The following FBXL2 variants were observed in gnomAD, a reference collection of about 807,000 sequenced individuals.
The protein encoded by FBXL2 is F-box and leucine rich repeat protein 2, also known as F-box/LRR-repeat protein 2.
Under a neutral mutation model 69.2 loss-of-function variants are expected in FBXL2, and 38 were observed. That is an observed-to-expected ratio of 0.55 (90% CI 0.42 to 0.72). The LOEUF is 0.72. FBXL2 is among the 30% of genes least tolerant of loss of function. The pLI is 0.00. For synonymous variants in FBXL2, 192 were observed against 201.3 expected (o/e 0.95, Z 0.39); for missense variants, 354 against 520.3 (o/e 0.68, Z 3.11).
intron 12 of FBXL2, among the ~76,000 whole-genome samples, chr3:33,395,432 T>A (rs2043936704): frequency 1.3e-5 from 2 of 152,070 alleles, no homozygotes; most frequent in Non-Finnish European, 2.9e-5. Context: ...AGAAAATATA[T>A]GCCTTTTAAA....
the FBXL2 span, chr3:33,409,123 T>C: frequency 6.0e-6 from 6 of 1,007,074 alleles, no homozygotes; most frequent in Admixed American, 8.9e-5. Context: ...GAGAATAACA[T>C]GTCAAACTGC....
chr3:33,378,562 CAG>C (rs1430101588), intron 12 of FBXL2, 121 bp from the exon 13 acceptor site: 1 of 939,608 alleles, frequency 1.1e-6, no homozygotes, highest in Non-Finnish European at 1.6e-6. Context: ...CTCCCAGCCC[CAG>C]AGTGTTTGAG....
chr3:33,300,814 T>C (rs1320042477), intron 2 of FBXL2, among the ~76,000 whole-genome samples: 1 of 151,626 alleles, frequency 6.6e-6, no homozygotes, highest in Non-Finnish European at 1.5e-5. Context: ...GTTCACGCCA[T>C]TCTCCTGCCT....
intron 6 of FBXL2, 27 bp downstream of exon 6, chr3:33,373,187 C>A (rs747312927): frequency 6.2e-7 from 1 of 1,611,634 alleles, no homozygotes; most frequent in Admixed American, 1.7e-5. Context: ...AATTGGTGAC[C>A]AAATAGCCAC....
At chr3:33,407,298 C>T (rs1292588440), downstream of FBXL2, among the ~76,000 whole-genome samples, 1 of 152,128 alleles carries the variant, frequency 6.6e-6, no homozygotes, top group Non-Finnish European at 1.5e-5. Context: ...TTCCCATCTT[C>T]AGATTACCTC....
intron 2 of FBXL2, among the ~76,000 whole-genome samples, chr3:33,350,057 C>A: frequency 6.6e-6 from 1 of 151,966 alleles, no homozygotes; most frequent in East Asian, 1.9e-4. Context: ...CCCAGTGTTA[C>A]TATAATACCA....
intron 5 of FBXL2, among the ~76,000 whole-genome samples, chr3:33,369,074 C>T (rs1275278603): frequency 6.9e-6 from 1 of 144,576 alleles, no homozygotes; most frequent in Non-Finnish European, 1.5e-5. Flanking sequence ...TTTTTTGAGA[C>T]AGGGTCTTGC....
At position 33,277,461 on chromosome 3, in the gene FBXL2, T is replaced by C. The variant is rs143916331; in HGVS notation, c.-52T>C. The C allele has an allele frequency of 1.4e-5, 18 of 1,265,888 alleles. No individual in the cohort carries two copies. In the East Asian group the frequency reaches 5.3e-4, roughly 37 times the overall value. The allele number at this position is 1,265,888 out of a possible 1,614,324, so 78.4% of individuals were successfully genotyped here. A position where few individuals can be genotyped will look rare whatever the true frequency, so the allele number is the denominator to read the frequency against. On this transcript the variant is annotated 5_prime_UTR_variant, in exon 1 of 15. Transcript: ENST00000484457. Reference sequence around the variant, plus strand: ...GCTGGCGTCACCAGGACAACGGGCGTCGCCGGCGCCGTGTGACTTCGGGCT... The same window carrying C: ...GCTGGCGTCACCAGGACAACGGGCGCCGCCGGCGCCGTGTGACTTCGGGCT...
chr3:33,416,560 G>A, the FBXL2 span, among the ~76,000 whole-genome samples: 2 of 152,106 alleles, frequency 1.3e-5, no homozygotes, highest in South Asian at 4.1e-4. Context: ...ATTGCTCCTT[G>A]ATTTCCAAGG....
At chr3:33,322,539 G>A (rs1467440395) in intron 2 of FBXL2, among the ~76,000 whole-genome samples, 1 of 150,932 alleles carries the variant, frequency 6.6e-6, no homozygotes, top group African/African-American at 2.4e-5. Context: ...AATGCTGAGT[G>A]AAAAAAAAAG....
intron 2 of FBXL2, among the ~76,000 whole-genome samples, chr3:33,341,830 A>AG: frequency 3.2e-5 from 1 of 30,812 alleles, no homozygotes; most frequent in African/African-American, 2.0e-4. Flanking sequence ...ACTCCGTCTC[A>AG]GGAAAAAAAA....
chr3:33,398,799 G>A (rs1008524178), intron 12 of FBXL2, among the ~76,000 whole-genome samples: 1 of 152,142 alleles, frequency 6.6e-6, no homozygotes, highest in Non-Finnish European at 1.5e-5. Context: ...AAATGTCGGC[G>A]CTTTTTCTAT....
intron 2 of FBXL2, among the ~76,000 whole-genome samples, chr3:33,306,888 C>G (rs1023700899): frequency 3.3e-5 from 5 of 152,042 alleles, no homozygotes; most frequent in South Asian, 2.1e-4. Context: ...TGGTGATACT[C>G]TTAATTCTTT....
downstream of FBXL2, chr3:33,388,771 G>C (rs925182893): frequency 6.6e-6 from 1 of 152,176 alleles, no homozygotes; most frequent in African/African-American, 2.4e-5. Flanking sequence ...TCAAATCGAT[G>C]ATGAAAATAG....
intron 5 of FBXL2, among the ~76,000 whole-genome samples, chr3:33,369,753 C>T (rs1356645721): frequency 1.3e-5 from 2 of 152,116 alleles, no homozygotes; most frequent in Non-Finnish European, 2.9e-5. Context: ...GCTGAGACTA[C>T]AGGCATGTAC....
upstream of FBXL2, chr3:33,277,385 A>T: frequency 9.7e-7 from 1 of 1,034,004 alleles, no homozygotes; most frequent in African/African-American, 1.7e-5. Flanking sequence ...GTGCTCGCCG[A>T]CCACCAATGG....
At chr3:33,422,060 T>C in the FBXL2 span, among the ~76,000 whole-genome samples, 1 of 151,916 alleles carries the variant, frequency 6.6e-6, no homozygotes, top group Non-Finnish European at 1.5e-5. Flanking sequence ...AAATAAATAA[T>C]AAAATTAAAA....
chr3:33,384,236 C>T, intron 14 of FBXL2, 35 bp downstream of exon 14: 1 of 1,585,952 alleles, frequency 6.3e-7, no homozygotes, highest in Non-Finnish European at 8.6e-7. Flanking sequence ...TCACACCTGA[C>T]ATTTCTAAGC....
At chr3:33,323,727 GT>G (rs1312678923) in intron 2 of FBXL2, among the ~76,000 whole-genome samples, 1 of 152,104 alleles carries the variant, frequency 6.6e-6, no homozygotes, top group African/African-American at 2.4e-5. Flanking sequence ...GTTTGGGTTG[GT>G]TCCAAGTCTT....
Sources: allele counts gnomAD v4.1 joint callset (sites outside exome capture counted in the v4.1 genomes callset), GRCh38; gene constraint gnomAD v4.1.1; transcripts MANE v1.5; gene names NCBI Gene and HGNC (gene_info 2026-07-23, HGNC 2026-07-21).